ADAM18: variants seen among roughly 807,000 people sequenced by gnomAD.
ADAM18 encodes the protein ADAM metallopeptidase domain 18, also known as disintegrin and metalloproteinase domain-containing protein 18.
ADAM18 carries 117 observed loss-of-function variants against 94.4 expected under a neutral mutation model. The observed-to-expected ratio is 1.24, with a 90% CI of 1.07 to 1.45. The LOEUF is 1.45. ADAM18 is among the 40% of genes most tolerant of loss of function. The pLI is 0.00. For missense variants in ADAM18, 936 were observed against 880.0 expected (o/e 1.06, Z -0.81); for synonymous variants, 327 against 291.6 (o/e 1.12, Z -1.24).
rs747999507 is a variant in ADAM18 at position 39,610,664 on chromosome 8, T to C, written c.480T>C (p.Ile160=). The part of the protein sequence containing the change: ...VSILAVNYSH[I]WQKDQPYKVP... Reference sequence around the variant, plus strand: ...TTTTAGCAGTAAATTACAGTCATATTTGGCAGAAAGACCAGCCCTACAAAG... The same window carrying C: ...TTTTAGCAGTAAATTACAGTCATATCTGGCAGAAAGACCAGCCCTACAAAG... Residue 160 remains isoleucine, a synonymous_variant, in exon 6 of 20, where the codon ATT becomes ATC. Transcript: ENST00000265707. The C allele has an allele frequency of 3.7e-6, 6 of 1,613,426 alleles. No individual in the cohort carries two copies. The highest frequency in any genetic ancestry group is 1.7e-4 in the Middle Eastern group (1 of 6,050).
chr8:39,587,411 A>G (rs1360910993), intron 2 of ADAM18, among the ~76,000 whole-genome samples: 1 of 151,976 alleles, frequency 6.6e-6, no homozygotes, highest in African/African-American at 2.4e-5. Flanking sequence ...GGCAACCACT[A>G]TTCTATTCTC....
intron 18 of ADAM18, among the ~76,000 whole-genome samples, chr8:39,707,360 T>C (rs902070371): frequency 6.6e-6 from 1 of 152,192 alleles, no homozygotes; most frequent in African/African-American, 2.4e-5. Flanking sequence ...GGCTCACTCA[T>C]TTCAGGGAAT....
At chr8:39,721,080 T>A (rs1241249207) in intron 18 of ADAM18, among the ~76,000 whole-genome samples, 5 of 151,410 alleles carry the variant, frequency 3.3e-5, no homozygotes, top group Non-Finnish European at 3.0e-5. Flanking sequence ...ATCTGTGAAT[T>A]TCAAAAGTCA....
intron 12 of ADAM18, among the ~76,000 whole-genome samples, chr8:39,652,490 G>A (rs528489526): frequency 1.3e-5 from 2 of 152,218 alleles, no homozygotes; most frequent in African/African-American, 4.8e-5. Flanking sequence ...AAATCAGAAA[G>A]AGATATTACC....
intron 12 of ADAM18, among the ~76,000 whole-genome samples, chr8:39,649,081 C>T (rs1013151130): frequency 2.0e-5 from 3 of 152,000 alleles, no homozygotes; most frequent in Admixed American, 1.3e-4. Context: ...GGTGAGATGA[C>T]ATACTTAATC....
chr8:39,606,774 G>A (rs374391827), intron 3 of ADAM18, among the ~76,000 whole-genome samples: 1 of 152,048 alleles, frequency 6.6e-6, no homozygotes, highest in Non-Finnish European at 1.5e-5. Context: ...GGCTGAGTCC[G>A]AACAGAGAGT....
chr8:39,712,039 C>CT (rs151124911), intron 18 of ADAM18, among the ~76,000 whole-genome samples: 4 of 143,042 alleles, frequency 2.8e-5, no homozygotes, highest in South Asian at 4.8e-4. Flanking sequence ...AAGGCCCCCC[C>CT]CCGAGAAAAA....
At chr8:39,728,833 T>C (rs1344113286) in intron 19 of ADAM18, among the ~76,000 whole-genome samples, 1 of 152,190 alleles carries the variant, frequency 6.6e-6, no homozygotes, top group African/African-American at 2.4e-5. Flanking sequence ...AAATATTGCA[T>C]GAAAGGTATA....
At chr8:39,680,352 T>C (rs1378421231) in intron 16 of ADAM18, 126 bp downstream of exon 16, 1 of 920,486 alleles carries the variant, frequency 1.1e-6, no homozygotes, top group Non-Finnish European at 1.6e-6. Flanking sequence ...TTATTTCCCA[T>C]GTGATATTTA....
chr8:39,669,032 A>G (rs914297860), intron 14 of ADAM18, among the ~76,000 whole-genome samples: 1 of 151,752 alleles, frequency 6.6e-6, no homozygotes, highest in African/African-American at 2.4e-5. Context: ...TCTGTGTGCT[A>G]TTTTTCTAGA....
chr8:39,701,095 G>T (rs1349738637), intron 17 of ADAM18, among the ~76,000 whole-genome samples: 1 of 90,826 alleles, frequency 1.1e-5, no homozygotes, highest in Non-Finnish European at 2.1e-5. Context: ...TCCAGCCTGG[G>T]CGACAGAGCA....
At chr8:39,666,275 A>G (rs1820991239) in intron 13 of ADAM18, among the ~76,000 whole-genome samples, 1 of 152,118 alleles carries the variant, frequency 6.6e-6, no homozygotes, top group South Asian at 2.1e-4. Context: ...TCTGAGCTCA[A>G]GCAATCTATC....
Position 39,585,318 on chromosome 8 carries a change from T to G in ADAM18, c.98T>G (p.Ile33Ser). The G allele has an allele frequency of 6.2e-7, 1 of 1,613,566 alleles. No individual in the cohort carries two copies. The highest frequency in any genetic ancestry group is 8.5e-7 in the Non-Finnish European group (1 of 1,179,694). Residue 33 changes from isoleucine to serine, a missense_variant, in exon 2 of 20, where the codon ATT becomes AGT. Ile to Ser is a moderately radical substitution (Grantham distance 142, BLOSUM62 -2). Transcript: ENST00000265707. Reference protein sequence around the residue: ...IFLHVTVPRKIKSNDSEVSER... With the variant: ...IFLHVTVPRKSKSNDSEVSER... ...CTGCATGTCACAGTTCCACGGAAGA[T>G]TAAGTCAAATGACAGTGAAGTTTCA...
chr8:39,668,952 A>C (rs763530159), intron 14 of ADAM18, among the ~76,000 whole-genome samples: 1 of 152,132 alleles, frequency 6.6e-6, no homozygotes, highest in Non-Finnish European at 1.5e-5. Flanking sequence ...ATTTCAGATT[A>C]GGAGGCTTAA....
At chr8:39,682,207 G>C (rs768007585) in intron 16 of ADAM18, among the ~76,000 whole-genome samples, 1 of 152,110 alleles carries the variant, frequency 6.6e-6, no homozygotes, top group Non-Finnish European at 1.5e-5. Flanking sequence ...AAAAAATAAG[G>C]CATCTGGAAA....
intron 7 of ADAM18, among the ~76,000 whole-genome samples, chr8:39,633,353 C>T (rs1819984431): frequency 6.6e-6 from 1 of 152,128 alleles, no homozygotes; most frequent in South Asian, 2.1e-4. Context: ...GCTTGTATTA[C>T]TGCAAATGGA....
chr8:39,644,849 A>C (rs888858662), intron 10 of ADAM18, among the ~76,000 whole-genome samples: 2 of 152,164 alleles, frequency 1.3e-5, no homozygotes, highest in Non-Finnish European at 2.9e-5. Flanking sequence ...TCTTAAAAGC[A>C]TGTGTAACAA....
chr8:39,654,409 T>C (rs1319223009), intron 12 of ADAM18, among the ~76,000 whole-genome samples: 1 of 148,326 alleles, frequency 6.7e-6, no homozygotes, highest in African/African-American at 2.6e-5. Context: ...TTCTATTGTG[T>C]ATATAAACCA....
At chr8:39,637,464 G>T in intron 8 of ADAM18, 73 bp from the exon 9 acceptor site, 2 of 1,426,578 alleles carry the variant, frequency 1.4e-6, no homozygotes, top group Non-Finnish European at 1.9e-6. Flanking sequence ...GGAACATGTT[G>T]TTTATTTTTT....
Sources: allele counts gnomAD v4.1 joint callset (sites outside exome capture counted in the v4.1 genomes callset), GRCh38; gene constraint gnomAD v4.1.1; transcripts MANE v1.5; gene names NCBI Gene and HGNC (gene_info 2026-07-23, HGNC 2026-07-21).